The following LHFPL4 variants were observed in gnomAD, a reference collection of about 807,000 sequenced individuals.
LHFPL4 encodes LHFPL tetraspan subfamily member 4, also known as LHFPL tetraspan subfamily member 4 protein.
Under a neutral mutation model 20.0 loss-of-function variants are expected in LHFPL4, and 6 were observed. That is an observed-to-expected ratio of 0.30 (90% CI 0.16 to 0.59). The LOEUF (loss-of-function observed/expected upper bound fraction) is 0.59. Ranked by LOEUF, LHFPL4 falls within the 20% of genes least tolerant of loss-of-function variation. LHFPL4 has a pLI of 0.88. For missense variants in LHFPL4, 215 were observed against 331.2 expected (o/e 0.65, Z 2.72); for synonymous variants, 129 against 143.8 (o/e 0.90, Z 0.74).
At chr3:9,544,819 C>A (rs1161036454) in intron 2 of LHFPL4, among the ~76,000 whole-genome samples, 1 of 152,122 alleles carries the variant, frequency 6.6e-6, no homozygotes, top group Non-Finnish European at 1.5e-5. Context: ...CTCTTTCCTA[C>A]CCATCCTTTA....
chr3:9,551,221 T>C (rs1441983007), intron 2 of LHFPL4, among the ~76,000 whole-genome samples: 1 of 152,314 alleles, frequency 6.6e-6, no homozygotes. Context: ...ACTTGTTGAA[T>C]GTCCTGAGGT....
chr3:9,531,447 G>A (rs2046407763), intron 2 of LHFPL4, among the ~76,000 whole-genome samples: 1 of 152,206 alleles, frequency 6.6e-6, no homozygotes, highest in Non-Finnish European at 1.5e-5. Flanking sequence ...CTTAATGACG[G>A]TTACCTCTGA....
At chr3:9,514,588 G>A (rs1292505724) in intron 2 of LHFPL4, among the ~76,000 whole-genome samples, 3 of 152,292 alleles carry the variant, frequency 2.0e-5, no homozygotes, top group Non-Finnish European at 4.4e-5. Flanking sequence ...GTGTAATGAC[G>A]TTTATGTACC....
At chr3:9,535,345 G>A (rs2125664238) in intron 2 of LHFPL4, among the ~76,000 whole-genome samples, 1 of 152,228 alleles carries the variant, frequency 6.6e-6, no homozygotes, top group South Asian at 2.1e-4. Context: ...TTACAGATGA[G>A]GACACTGAGG....
Position 9,510,870 on chromosome 3 carries a change from G to A in LHFPL4, c.407-4667C>T, listed in dbSNP as rs1264435132. On this transcript the variant is annotated intron_variant, in intron 2 of 3. Transcript: ENST00000287585. Reference sequence around the variant, plus strand: ...GGAGAATTCCTTGAACCCAGGAGGCGGAGGTTGCAGTGAGCCAAGATTGCA... The same window carrying A: ...GGAGAATTCCTTGAACCCAGGAGGCAGAGGTTGCAGTGAGCCAAGATTGCA... Among the ~76,000 whole-genome samples, 4 of 151,552 alleles carry A rather than the reference G, an allele frequency of 2.6e-5. No individual in the cohort carries two copies. In the East Asian group the frequency reaches 5.8e-4, roughly 22 times the overall value.
intron 2 of LHFPL4, among the ~76,000 whole-genome samples, chr3:9,515,381 T>A (rs1291429118): frequency 6.6e-6 from 1 of 152,236 alleles, no homozygotes; most frequent in African/African-American, 2.4e-5. Flanking sequence ...AGTTCTTTTT[T>A]TAATTTTTTT....
At chr3:9,511,934 G>GTT (rs59301468) in intron 2 of LHFPL4, among the ~76,000 whole-genome samples, 15 of 142,184 alleles carry the variant, frequency 1.1e-4, no homozygotes, top group Non-Finnish European at 1.4e-4. Context: ...CATGGCGACT[G>GTT]TTTTTTTTTT....
chr3:9,504,900 C>A (rs2046206435), intron 3 of LHFPL4, among the ~76,000 whole-genome samples: 1 of 151,154 alleles, frequency 6.6e-6, no homozygotes, highest in South Asian at 2.1e-4. Context: ...CTTTCGAGCT[C>A]AATAAATATA....
chr3:9,509,858 T>G (rs893626427), intron 2 of LHFPL4, among the ~76,000 whole-genome samples: 21 of 152,334 alleles, frequency 1.4e-4, no homozygotes, highest in African/African-American at 4.8e-4. Context: ...GGAGATGGAA[T>G]GACTGCAGAT....
At chr3:9,516,030 C>T (rs1249757219) in intron 2 of LHFPL4, among the ~76,000 whole-genome samples, 2 of 152,008 alleles carry the variant, frequency 1.3e-5, no homozygotes, top group African/African-American at 2.4e-5. Context: ...ATGTCTTTTG[C>T]AAAGATTTTC....
At chr3:9,523,110 G>A (rs953423592) in intron 2 of LHFPL4, among the ~76,000 whole-genome samples, 1 of 137,742 alleles carries the variant, frequency 7.3e-6, no homozygotes, top group African/African-American at 2.8e-5. Flanking sequence ...GAGAGAGAAA[G>A]CAAGCAAGCA....
intron 2 of LHFPL4, among the ~76,000 whole-genome samples, chr3:9,532,882 C>T (rs997015159): frequency 6.6e-6 from 1 of 152,150 alleles, no homozygotes; most frequent in Non-Finnish European, 1.5e-5. Context: ...GGGTCCCTGT[C>T]CCCCAGGCCC....
At chr3:9,541,604 T>A (rs558584125) in intron 2 of LHFPL4, among the ~76,000 whole-genome samples, 39 of 151,958 alleles carry the variant, frequency 2.6e-4, no homozygotes, top group African/African-American at 9.4e-4. Context: ...AAAACCTGTC[T>A]CTACTAATAA....
chr3:9,527,467 C>T (rs545013303), intron 2 of LHFPL4, among the ~76,000 whole-genome samples: 26 of 152,046 alleles, frequency 1.7e-4, no homozygotes, highest in Non-Finnish European at 3.1e-4. Context: ...TGTAGTCTCA[C>T]TTATTTGGGA....
intron 2 of LHFPL4, among the ~76,000 whole-genome samples, chr3:9,540,688 G>C (rs1265070922): frequency 1.3e-5 from 2 of 151,714 alleles, no homozygotes; most frequent in African/African-American, 2.4e-5. Context: ...AGCTCAGGAA[G>C]TTGAGACCAG....
intron 2 of LHFPL4, among the ~76,000 whole-genome samples, chr3:9,534,236 G>A (rs1224331809): frequency 1.3e-5 from 2 of 151,960 alleles, no homozygotes; most frequent in East Asian, 1.9e-4. Context: ...AAAAGTAGGG[G>A]GGTTGCATAC....
Position 9,552,352 on chromosome 3 carries a change from T to C in LHFPL4, c.328A>G (p.Ile110Val), listed in dbSNP as rs1426171626. 2.5e-6 allele frequency: 4 copies of C among 1,613,912 alleles called. No homozygotes were observed. The highest frequency in any genetic ancestry group is 3.4e-6 in the Non-Finnish European group (4 of 1,179,950). ...AAGAAGAAAAGCGAAAAGCAGGTGA[T>C]GCAGCCGAGGATCAGCACCATGGAG... is the stretch of plus-strand genomic sequence containing the variant. The part of the protein sequence containing the change: ...LLSMVLILGC[I>V]TCFSLFFFCN... Residue 110 changes from isoleucine (I) to valine (V), a missense_variant, in exon 2 of 4, where the codon ATC becomes GTC. This residue lies in a region of LHFPL4 where 164 missense variants were observed against 286.7 expected (regional missense o/e 0.57). Coordinates refer to ENST00000287585, the MANE Select transcript of LHFPL4 (RefSeq NM_198560.3).
chr3:9,515,205 A>T (rs2046291149), intron 2 of LHFPL4, among the ~76,000 whole-genome samples: 1 of 152,216 alleles, frequency 6.6e-6, no homozygotes, highest in South Asian at 2.1e-4. Flanking sequence ...ATAAGTATGT[A>T]GTGCTATCTC....
At position 9,501,911 on chromosome 3, in the gene LHFPL4, G is replaced by T. The variant is rs1262740424; in HGVS notation, c.*300C>A. 1.1e-5 allele frequency: 4 copies of T among 360,388 alleles called. No homozygotes were observed. The highest frequency in any genetic ancestry group is 1.5e-5 in the Non-Finnish European group (3 of 195,938). The allele number at this position is 360,388 out of a possible 1,614,324, so 22.3% of individuals were successfully genotyped here. A position where few individuals can be genotyped will look rare whatever the true frequency, so the allele number is the denominator to read the frequency against. ...CTCCGCTCTCCCTGGGGATCTGCAG[G>T]GACCTCCAGGCCAGTCTAGAGAGGA... On this transcript the variant is annotated 3_prime_UTR_variant, in exon 4 of 4. Coordinates refer to ENST00000287585, the MANE Select transcript of LHFPL4 (RefSeq NM_198560.3).
Sources: allele counts gnomAD v4.1 joint callset (sites outside exome capture counted in the v4.1 genomes callset), GRCh38; gene constraint gnomAD v4.1.1; regional missense constraint gnomAD v4.1.1; transcripts MANE v1.5; gene names NCBI Gene and HGNC (gene_info 2026-07-23, HGNC 2026-07-21).